Variants in AGK observed in about 807,000 individuals in gnomAD.
AGK encodes acylglycerol kinase, also known as acylglycerol kinase, mitochondrial.
A neutral mutation model predicts 66.4 loss-of-function variants in AGK; 52 were observed. The ratio of observed to expected loss-of-function variants is 0.78; its 90% CI spans 0.63 to 0.99. The LOEUF (loss-of-function observed/expected upper bound fraction) is 0.99. AGK is among the 50% of genes least tolerant of loss of function. The pLI is 0.00. For synonymous variants in AGK, 182 were observed against 181.1 expected, an observed-to-expected ratio of 1.00 and a Z score of -0.04; for missense variants, 451 against 506.6, an observed-to-expected ratio of 0.89 and a Z score of 1.05.
intron 5 of AGK, among the ~76,000 whole-genome samples, chr7:141,606,773 A>G (rs1362782345): frequency 6.6e-6 from 1 of 152,128 alleles, no homozygotes; most frequent in Admixed American, 6.5e-5. Context: ...GTTCACCATT[A>G]TATTATCAGA....
intron 9 of AGK, among the ~76,000 whole-genome samples, chr7:141,624,496 A>C (rs890030436): frequency 1.3e-5 from 2 of 152,196 alleles, no homozygotes; most frequent in Non-Finnish European, 2.9e-5. Flanking sequence ...CAAAATAACA[A>C]TGTTAACAGA....
At chr7:141,600,735 G>A (rs1172683601) in intron 4 of AGK, among the ~76,000 whole-genome samples, 1 of 152,202 alleles carries the variant, frequency 6.6e-6, no homozygotes, top group Non-Finnish European at 1.5e-5. Flanking sequence ...GGTACTAGGG[G>A]AGCACAGAGA....
chr7:141,621,616 G>A (rs893615320), intron 8 of AGK, 116 bp from the exon 9 acceptor site: 6 of 714,980 alleles, frequency 8.4e-6, no homozygotes, highest in South Asian at 1.7e-5. Flanking sequence ...GAGGGAGAGA[G>A]AGAGAATGAG....
intron 2 of AGK, among the ~76,000 whole-genome samples, chr7:141,562,410 G>T (rs1795369829): frequency 6.6e-6 from 1 of 152,164 alleles, no homozygotes; most frequent in South Asian, 2.1e-4. Context: ...GGGCCATAAA[G>T]CTCCCAAGAG....
chr7:141,556,462 G>C (rs1320045018), intron 2 of AGK, among the ~76,000 whole-genome samples: 1 of 151,558 alleles, frequency 6.6e-6, no homozygotes, highest in Non-Finnish European at 1.5e-5. Flanking sequence ...AATCGCTTGA[G>C]CCTGGGAGGT....
chr7:141,638,426 C>T (rs1454129776), intron 11 of AGK, among the ~76,000 whole-genome samples: 2 of 151,874 alleles, frequency 1.3e-5, no homozygotes, highest in African/African-American at 2.4e-5. Context: ...TTTTGATGTG[C>T]AATTTGACTT....
At position 141,595,371 on chromosome 7, in the gene AGK, A is replaced by G. The variant is rs143867444; in HGVS notation, c.142-1191A>G. 2.9e-3 allele frequency among the ~76,000 whole-genome samples: 440 copies of G among 152,362 alleles called. 4 individuals are homozygous for G. Among genetic ancestry groups the G allele is most frequent in the African/African-American group, 9.8e-3 (408 of 41,588 alleles). On this transcript the variant is annotated intron_variant, in intron 3 of 15. Coordinates refer to ENST00000649286, the MANE Select transcript of AGK (RefSeq NM_018238.4). ...ATTTAGCAGCAAAATGTTAAAGTCT[A>G]AGTAAGAATGAAAACAGAATAGAAA...
At chr7:141,647,286 C>A (rs571781570) in intron 13 of AGK, among the ~76,000 whole-genome samples, 1 of 152,194 alleles carries the variant, frequency 6.6e-6, no homozygotes. Context: ...CTCCTTAGAA[C>A]CCTCCAGTGG....
At chr7:141,647,490 G>C (rs1224660031) in intron 13 of AGK, among the ~76,000 whole-genome samples, 2 of 152,112 alleles carry the variant, frequency 1.3e-5, no homozygotes, top group African/African-American at 4.8e-5. Flanking sequence ...CTCCGCCCCA[G>C]TAGTTCCCCT....
intron 2 of AGK, among the ~76,000 whole-genome samples, chr7:141,586,554 T>C (rs956828131): frequency 2.0e-5 from 3 of 152,196 alleles, no homozygotes; most frequent in Non-Finnish European, 4.4e-5. Flanking sequence ...TATCCATGAT[T>C]TCAAGAAGTC....
chr7:141,646,731 T>C (rs1797421532), intron 13 of AGK, among the ~76,000 whole-genome samples: 1 of 152,212 alleles, frequency 6.6e-6, no homozygotes, highest in African/African-American at 2.4e-5. Context: ...CAAATTTCAG[T>C]GTCTTTAAGT....
At chr7:141,609,887 T>G (rs1173010571) in intron 5 of AGK, among the ~76,000 whole-genome samples, 5 of 151,846 alleles carry the variant, frequency 3.3e-5, no homozygotes, top group Admixed American at 6.6e-5. Context: ...ATTCCAGGGG[T>G]TTTAGGAACT....
chr7:141,629,788 C>T (rs180896130), intron 9 of AGK, among the ~76,000 whole-genome samples: 8 of 152,158 alleles, frequency 5.3e-5, no homozygotes, highest in East Asian at 3.9e-4. Context: ...CTCTTCCCCC[C>T]GAGATGAAGA....
intron 2 of AGK, among the ~76,000 whole-genome samples, chr7:141,586,295 T>G (rs767924884): frequency 6.6e-6 from 1 of 152,194 alleles, no homozygotes; most frequent in Non-Finnish European, 1.5e-5. Flanking sequence ...CCATAATGAC[T>G]CTTACCCTTG....
intron 8 of AGK, chr7:141,616,418 AAATAATAAT>A (rs1364434630): frequency 6.6e-6 from 1 of 152,194 alleles, no homozygotes; most frequent in Non-Finnish European, 1.5e-5. Context: ...CTTCTAGAAT[AAATAATAAT>A]AATACCCAAG....
chr7:141,606,280 G>A (rs1796458824), intron 5 of AGK, among the ~76,000 whole-genome samples: 1 of 152,132 alleles, frequency 6.6e-6, no homozygotes, highest in South Asian at 2.1e-4. Context: ...GCCTTCTGTG[G>A]TTTAAACATT....
At chr7:141,590,953 A>T (rs73523631) in intron 2 of AGK, among the ~76,000 whole-genome samples, 4 of 152,122 alleles carry the variant, frequency 2.6e-5, no homozygotes, top group African/African-American at 9.7e-5. Flanking sequence ...ACTTAAGCCA[A>T]TGGGGACTGG....
intron 2 of AGK, among the ~76,000 whole-genome samples, chr7:141,570,886 CTT>C (rs1290201598): frequency 6.6e-6 from 1 of 152,124 alleles, no homozygotes; most frequent in Non-Finnish European, 1.5e-5. Flanking sequence ...GTTTCTGTCT[CTT>C]AAGTCTCTTA....
rs35777666 is a variant in AGK, at chr7:141,622,012, A to T, written c.588+211A>T. Among the ~76,000 whole-genome samples the T allele has an allele frequency of 0.035, 5,376 of 152,246 alleles. 149 individuals carry two copies. The highest frequency in any genetic ancestry group is 0.14 in the South Asian group (698 of 4,820). On this transcript the variant is annotated intron_variant, in intron 9 of 15. Transcript: ENST00000649286. ...TTAATATGCTTTTGCTCCTATTTTT[A>T]AAATGTGGCTAAAAGCATAATATTT...
Sources: allele counts gnomAD v4.1 joint callset (sites outside exome capture counted in the v4.1 genomes callset), GRCh38; gene constraint gnomAD v4.1.1; transcripts MANE v1.5; gene names NCBI Gene and HGNC (gene_info 2026-07-23, HGNC 2026-07-21).